Variants in CDH13 observed in about 807,000 individuals in gnomAD.
CDH13 encodes cadherin-13.
A neutral mutation model predicts 63.8 loss-of-function variants in CDH13; 24 were observed. The observed-to-expected ratio is 0.38, with a 90% confidence interval of 0.27 to 0.53. The LOEUF (loss-of-function observed/expected upper bound fraction) is 0.53. Ranked by LOEUF, CDH13 falls within the 20% of genes least tolerant of loss-of-function variation. The pLI is 0.85. For missense variants in CDH13, 1,049 were observed against 903.1 expected (o/e 1.16, Z -2.07); for synonymous variants, 503 against 355.3 (o/e 1.42, Z -4.67).
chr16:82,793,877 A>G (rs997115339), intron 1 of CDH13, among the ~76,000 whole-genome samples: 2 of 152,164 alleles, frequency 1.3e-5, no homozygotes, highest in African/African-American at 4.8e-5. Context: ...TGCAGTTAGA[A>G]AAATATGGGA....
intron 5 of CDH13, among the ~76,000 whole-genome samples, chr16:83,335,983 C>T (rs1245482208): frequency 2.0e-5 from 3 of 152,008 alleles, no homozygotes; most frequent in Non-Finnish European, 2.9e-5. Context: ...TGTCCTGTTA[C>T]AGCCCTACAG....
At chr16:82,981,720 A>G (rs567392989) in intron 2 of CDH13, among the ~76,000 whole-genome samples, 34 of 152,312 alleles carry the variant, frequency 2.2e-4, no homozygotes, top group African/African-American at 6.5e-4. Flanking sequence ...TTATGTTTCT[A>G]TGCATCTCCT....
intron 8 of CDH13, among the ~76,000 whole-genome samples, chr16:83,659,577 T>C (rs899745650): frequency 6.6e-6 from 1 of 152,232 alleles, no homozygotes; most frequent in African/African-American, 2.4e-5. Context: ...TACGTATGCC[T>C]GGGCCCCATC....
chr16:83,377,440 C>T (rs549157150), intron 6 of CDH13, among the ~76,000 whole-genome samples: 2 of 152,228 alleles, frequency 1.3e-5, no homozygotes, highest in African/African-American at 4.8e-5. Flanking sequence ...TTATAGTTTC[C>T]CTTCCTCCTG....
intron 7 of CDH13, among the ~76,000 whole-genome samples, chr16:83,550,219 C>T (rs978152712): frequency 6.6e-6 from 1 of 152,326 alleles, no homozygotes; most frequent in African/African-American, 2.4e-5. Context: ...GAGGGACAAA[C>T]AAAACACCTG....
intron 2 of CDH13, among the ~76,000 whole-genome samples, chr16:82,907,716 A>G (rs533305007): frequency 7.9e-5 from 12 of 152,230 alleles, no homozygotes; most frequent in African/African-American, 2.9e-4. Flanking sequence ...TTTTGAGTCA[A>G]GTGTGTGAGG....
chr16:83,793,515 G>A (rs756592582), intron 13 of CDH13, among the ~76,000 whole-genome samples: 1 of 152,116 alleles, frequency 6.6e-6, no homozygotes, highest in Admixed American at 6.6e-5. Flanking sequence ...CATGAGTGAC[G>A]TTCTCAAAGT....
intron 6 of CDH13, among the ~76,000 whole-genome samples, chr16:83,416,396 C>T (rs2071550754): frequency 1.3e-5 from 2 of 152,192 alleles, no homozygotes; most frequent in South Asian, 4.1e-4. Context: ...AGTGGAGCTT[C>T]TTCCTTCTTT....
At chr16:83,525,695 G>A (rs548492488) in intron 7 of CDH13, among the ~76,000 whole-genome samples, 1 of 152,304 alleles carries the variant, frequency 6.6e-6, no homozygotes, top group East Asian at 1.9e-4. Context: ...GGACATTGCA[G>A]ATGTGATTAA....
At chr16:82,846,558 A>G (rs969049885) in intron 1 of CDH13, among the ~76,000 whole-genome samples, 4 of 152,174 alleles carry the variant, frequency 2.6e-5, no homozygotes, top group African/African-American at 9.7e-5. Flanking sequence ...TCAGGGTCAC[A>G]TAGAAACTAA....
rs778284717 is a variant in CDH13, at chr16:83,031,423, TG to T, written c.158-585del. Among the ~76,000 whole-genome samples, 60 of 146,074 alleles carry T rather than the reference TG, an allele frequency of 4.1e-4. 2 individuals are homozygous for T. Among genetic ancestry groups the T allele is most frequent in the African/African-American group, 1.4e-3 (53 of 38,306 alleles). On this transcript the variant is annotated intron_variant, in intron 2 of 13. Transcript: ENST00000567109. ...ATACATGTATATGTATACACGTATA[TG>T]GTATATACATGTACATGTATATGCA... is the stretch of plus-strand genomic sequence containing the variant.
chr16:83,345,088 A>T, intron 6 of CDH13, 82 bp downstream of exon 6: 1 of 1,475,546 alleles, frequency 6.8e-7, no homozygotes, highest in Non-Finnish European at 9.2e-7. Flanking sequence ...GGACTGTCTT[A>T]TGGCTGTTCC....
At chr16:82,692,324 C>G (rs766075765) in intron 1 of CDH13, among the ~76,000 whole-genome samples, 1 of 152,154 alleles carries the variant, frequency 6.6e-6, no homozygotes, top group Non-Finnish European at 1.5e-5. Context: ...ATACCCGAGG[C>G]TGGGAAATTT....
intron 5 of CDH13, among the ~76,000 whole-genome samples, chr16:83,289,676 G>A (rs920290725): frequency 6.6e-5 from 10 of 152,084 alleles, no homozygotes; most frequent in Non-Finnish European, 1.5e-4. Flanking sequence ...GGACAGTCTA[G>A]CTGGACCATT....
chr16:83,431,038 A>T (rs567021690), intron 6 of CDH13, among the ~76,000 whole-genome samples: 19 of 144,200 alleles, frequency 1.3e-4, no homozygotes, highest in Admixed American at 7.6e-5. Context: ...TCATTGTTCA[A>T]TTCCCACCTA....
intron 8 of CDH13, among the ~76,000 whole-genome samples, chr16:83,621,406 C>T (rs772809565): frequency 6.9e-6 from 1 of 145,104 alleles, no homozygotes; most frequent in Non-Finnish European, 1.5e-5. Context: ...CTATTACCAC[C>T]GTTTTCCACT....
intron 1 of CDH13, among the ~76,000 whole-genome samples, chr16:82,828,238 T>C (rs1053628782): frequency 1.3e-5 from 2 of 152,230 alleles, no homozygotes; most frequent in Admixed American, 6.5e-5. Context: ...GCCTCTGCCA[T>C]GAAGACTCTT....
chr16:83,697,165 A>G (rs1394392505), intron 10 of CDH13, among the ~76,000 whole-genome samples: 1 of 152,182 alleles, frequency 6.6e-6, no homozygotes, highest in Non-Finnish European at 1.5e-5. Flanking sequence ...ATTAATACTC[A>G]TGGCGCTTTC....
At chr16:82,922,494 GAATC>G (rs779785617) in intron 2 of CDH13, among the ~76,000 whole-genome samples, 46 of 152,272 alleles carry the variant, frequency 3.0e-4, no homozygotes, top group Admixed American at 5.9e-4. Flanking sequence ...ACAGACTCTA[GAATC>G]AATCAGATTT....
Sources: gnomAD v4.1 joint callset for allele counts (sites outside exome capture counted in the v4.1 genomes callset) on GRCh38, gnomAD v4.1.1 for gene constraint, MANE v1.5 for transcripts, NCBI Gene and HGNC (gene_info 2026-07-23, HGNC 2026-07-21) for gene names.